DENND5A: variants seen among roughly 807,000 people sequenced by gnomAD.
DENND5A encodes the protein DENN domain-containing protein 5A.
Under a neutral mutation model 140.3 loss-of-function variants are expected in DENND5A, and 64 were observed. That is an observed-to-expected ratio of 0.46 (90% CI 0.37 to 0.56). The LOEUF (loss-of-function observed/expected upper bound fraction) is 0.56, where lower values mean the gene tolerates loss of function less well. Ranked by LOEUF, DENND5A falls within the 20% of genes least tolerant of loss-of-function variation. The probability of loss-of-function intolerance (pLI) is 0.00; values close to 1 mark genes in which losing one functional copy is unlikely to be tolerated. For synonymous variants in DENND5A, 605 were observed against 607.7 expected (o/e 1.00, Z 0.07); for missense variants, 1,292 against 1,593.8 (o/e 0.81, Z 3.22).
intron 22 of DENND5A, chr11:9,140,126 G>T (rs758310707): frequency 2.8e-6 from 4 of 1,431,318 alleles, no homozygotes; most frequent in Non-Finnish European, 3.7e-6. Flanking sequence ...CCCACCACTG[G>T]TGTCTCCCAG....
At chr11:9,144,647 G>C (rs1312743630) in intron 18 of DENND5A, among the ~76,000 whole-genome samples, 1 of 151,998 alleles carries the variant, frequency 6.6e-6, no homozygotes, top group African/African-American at 2.4e-5. Context: ...AAATTAGCTG[G>C]GCGTGGTGGT....
At chr11:9,259,086 C>T (rs982697890) in intron 1 of DENND5A, among the ~76,000 whole-genome samples, 5 of 152,010 alleles carry the variant, frequency 3.3e-5, no homozygotes, top group Non-Finnish European at 7.4e-5. Context: ...CATGGTGAAA[C>T]CCCATCTCTA....
intron 12 of DENND5A, among the ~76,000 whole-genome samples, chr11:9,156,074 C>A (rs1028852939): frequency 6.6e-6 from 1 of 152,174 alleles, no homozygotes; most frequent in African/African-American, 2.4e-5. Flanking sequence ...AGCAGGTAAC[C>A]AGGGTGTGAC....
At chr11:9,193,363 G>T (rs1849206236) in intron 5 of DENND5A, 131 bp downstream of exon 5, 1 of 639,728 alleles carries the variant, frequency 1.6e-6, no homozygotes, top group Non-Finnish European at 2.4e-6. Flanking sequence ...CTTTTTTCCT[G>T]AGAAGTTATT....
chr11:9,200,635 T>A (rs1052602743), intron 4 of DENND5A, among the ~76,000 whole-genome samples: 1 of 152,256 alleles, frequency 6.6e-6, no homozygotes, highest in East Asian at 1.9e-4. Context: ...CCACTTTATA[T>A]GAGGTATGTG....
chr11:9,142,422 G>A (rs79049365), intron 21 of DENND5A, among the ~76,000 whole-genome samples: 2 of 152,164 alleles, frequency 1.3e-5, no homozygotes, highest in Admixed American at 6.5e-5. Context: ...GCTCCAATAC[G>A]CTCAACTGGA....
chr11:9,207,988 C>T (rs888935924), intron 1 of DENND5A, among the ~76,000 whole-genome samples: 1 of 152,174 alleles, frequency 6.6e-6, no homozygotes, highest in Non-Finnish European at 1.5e-5. Flanking sequence ...TAAAAGTATA[C>T]TATCCCAAAT....
At chr11:9,198,345 T>C (rs1239314196) in intron 4 of DENND5A, among the ~76,000 whole-genome samples, 1 of 150,292 alleles carries the variant, frequency 6.7e-6, no homozygotes, top group Non-Finnish European at 1.5e-5. Context: ...CTGGGCGCAG[T>C]GGCTCACACC....
In DENND5A at chr11:9,207,619, G is replaced by A; in HGVS notation, c.123C>T (p.Tyr41=). The A allele has an allele frequency of 6.2e-7, 1 of 1,610,180 alleles. No individual in the cohort carries two copies. Among genetic ancestry groups the A allele is most frequent in the Non-Finnish European group, 8.5e-7 (1 of 1,176,602 alleles). Residue 41 remains tyrosine, a synonymous_variant, in exon 2 of 23, where the codon TAC becomes TAT. Coordinates refer to ENST00000328194, the MANE Select transcript of DENND5A (RefSeq NM_015213.4). ...EPDELSALCQ[Y]IQASKARDGA... The stretch of plus-strand genomic sequence containing the variant: ...CATCCCTGGCTTTAGAAGCCTGTAT[G>A]TACTGGCATAATGCTATATGATAAA...
intron 5 of DENND5A, among the ~76,000 whole-genome samples, chr11:9,188,475 T>C (rs539840530): frequency 3.1e-4 from 47 of 152,216 alleles, no homozygotes; most frequent in African/African-American, 9.9e-4. Context: ...CAGGCAGAGA[T>C]TGGAACAGTT....
At chr11:9,239,918 G>A (rs531301554) in intron 1 of DENND5A, among the ~76,000 whole-genome samples, 15 of 152,128 alleles carry the variant, frequency 9.9e-5, no homozygotes, top group South Asian at 8.3e-4. Context: ...ATAGTCCCTC[G>A]GGTATTTTTC....
intron 1 of DENND5A, among the ~76,000 whole-genome samples, chr11:9,264,495 T>C (rs922846865): frequency 5.3e-5 from 8 of 152,092 alleles, no homozygotes; most frequent in African/African-American, 1.9e-4. Context: ...AGCCCAGGGC[T>C]GGGGTATAAC....
At chr11:9,235,135 G>C (rs1220227029) in intron 1 of DENND5A, among the ~76,000 whole-genome samples, 2 of 152,018 alleles carry the variant, frequency 1.3e-5, no homozygotes, top group Non-Finnish European at 2.9e-5. Flanking sequence ...TTCCATTCTT[G>C]GATATATACA....
intron 1 of DENND5A, among the ~76,000 whole-genome samples, chr11:9,259,222 T>C (rs935775448): frequency 5.9e-5 from 9 of 151,558 alleles, no homozygotes; most frequent in African/African-American, 1.9e-4. Context: ...GTCGTGCCAT[T>C]GCACTCCAGC....
intron 1 of DENND5A, among the ~76,000 whole-genome samples, chr11:9,264,132 G>C (rs1433288097): frequency 6.6e-6 from 1 of 152,098 alleles, no homozygotes; most frequent in Non-Finnish European, 1.5e-5. Context: ...TCCAATGACA[G>C]TGCAGTGGAA....
rs71062818 is a variant in DENND5A at position 9,231,715 on chromosome 11, C to CAAAAAAAAAAAAAA, written c.110-24097_110-24084dup. Among the ~76,000 whole-genome samples, 60 of 78,904 alleles carry CAAAAAAAAAAAAAA rather than the reference C, an allele frequency of 7.6e-4. 1 individual carries two copies. Among genetic ancestry groups the CAAAAAAAAAAAAAA allele is most frequent in the African/African-American group, 1.7e-3 (35 of 21,132 alleles). 51.8% of individuals were successfully genotyped at this position (78,904 alleles called of 152,430 possible). A position where few individuals can be genotyped will look rare whatever the true frequency, so the allele number is the denominator to read the frequency against. On this transcript the variant is annotated intron_variant, in intron 1 of 22. Coordinates refer to ENST00000328194, the MANE Select transcript of DENND5A (RefSeq NM_015213.4). ...GGGCAACAAGAGCGAAACTCCGTCTCAAAAAAAAAAAAAAAAAGACTCTGG... is the reference window on the plus strand; with the variant it reads ...GGGCAACAAGAGCGAAACTCCGTCTCAAAAAAAAAAAAAAAAAAAAAAAAAAAAAAAGACTCTGG...
chr11:9,203,344 C>T (rs1253705351), intron 4 of DENND5A, among the ~76,000 whole-genome samples: 1 of 152,314 alleles, frequency 6.6e-6, no homozygotes, highest in Admixed American at 6.5e-5. Flanking sequence ...AATGACAGAA[C>T]AGAACTGATG....
intron 3 of DENND5A, among the ~76,000 whole-genome samples, chr11:9,205,848 G>A (rs979996114): frequency 2.0e-5 from 3 of 152,172 alleles, no homozygotes; most frequent in Non-Finnish European, 2.9e-5. Context: ...AGTGAGGCAA[G>A]ATCACACCAC....
chr11:9,159,402 C>T lies in DENND5A; in HGVS notation c.2436+1311G>A, dbSNP rs538494898. Among the ~76,000 whole-genome samples, 27 of 150,348 alleles carry T rather than the reference C, an allele frequency of 1.8e-4. 1 individual carries two copies. In the East Asian group the frequency reaches 5.1e-3, roughly 28 times the overall value. On this transcript the variant is annotated intron_variant, in intron 12 of 22. Coordinates refer to ENST00000328194, the MANE Select transcript of DENND5A (RefSeq NM_015213.4). ...ATGGTGCAATCTTGGCTCACTGCAA[C>T]CTCTGCCTCCTGGGTTCAAGCGATC... is the stretch of plus-strand genomic sequence containing the variant.
Sources: allele counts gnomAD v4.1 joint callset (sites outside exome capture counted in the v4.1 genomes callset), GRCh38; gene constraint gnomAD v4.1.1; transcripts MANE v1.5; gene names NCBI Gene and HGNC (gene_info 2026-07-23, HGNC 2026-07-21).